DLG2: variants seen among roughly 807,000 people sequenced by gnomAD.
DLG2 encodes the protein disks large homolog 2.
In DLG2, 45 loss-of-function variants were observed where a neutral mutation model predicts 132.5. The ratio of observed to expected loss-of-function variants is 0.34; its 90% CI spans 0.27 to 0.44. DLG2 has a LOEUF of 0.44. DLG2 is among the 20% of genes least tolerant of loss of function. DLG2 has a pLI of 1.00. For synonymous variants in DLG2, 424 were observed against 419.6 expected, an observed-to-expected ratio of 1.01 and a Z score of -0.13; for missense variants, 1,045 against 1,196.9, an observed-to-expected ratio of 0.87 and a Z score of 1.87.
At chr11:83,817,874 T>C (rs901006190) in intron 17 of DLG2, among the ~76,000 whole-genome samples, 1 of 152,118 alleles carries the variant, frequency 6.6e-6, no homozygotes, top group African/African-American at 2.4e-5. Flanking sequence ...TGTCTCTAAT[T>C]AAAAAATAAA....
chr11:85,311,035 T>C (rs1009470886), intron 3 of DLG2, among the ~76,000 whole-genome samples: 1 of 152,232 alleles, frequency 6.6e-6, no homozygotes, highest in Non-Finnish European at 1.5e-5. Flanking sequence ...CCCCACAGTC[T>C]GTTTTCATAT....
intron 9 of DLG2, among the ~76,000 whole-genome samples, chr11:84,159,092 T>C (rs924735946): frequency 6.6e-5 from 10 of 152,152 alleles, no homozygotes; most frequent in Non-Finnish European, 2.9e-5. Flanking sequence ...CCAGGCCATG[T>C]GCGTCTATGT....
At chr11:83,502,752 A>G (rs2094501110) in intron 21 of DLG2, among the ~76,000 whole-genome samples, 1 of 152,108 alleles carries the variant, frequency 6.6e-6, no homozygotes, top group African/African-American at 2.4e-5. Flanking sequence ...AAAACCTATA[A>G]GCTGATTTAC....
chr11:84,962,396 T>A (rs2052705398), intron 6 of DLG2, among the ~76,000 whole-genome samples: 1 of 152,180 alleles, frequency 6.6e-6, no homozygotes, highest in Non-Finnish European at 1.5e-5. Context: ...CCACCTTTTA[T>A]TAGGTGGGTA....
chr11:83,504,236 C>T (rs1474575731), intron 21 of DLG2, among the ~76,000 whole-genome samples: 3 of 152,186 alleles, frequency 2.0e-5, no homozygotes, highest in African/African-American at 2.4e-5. Context: ...TCAGTATTCC[C>T]TTTGCCTTCA....
At chr11:83,503,414 T>TAGAG (rs1362266824) in intron 21 of DLG2, among the ~76,000 whole-genome samples, 2 of 47,994 alleles carry the variant, frequency 4.2e-5, no homozygotes, top group Admixed American at 2.1e-4. Flanking sequence ...TATATATATA[T>TAGAG]ATATATATAG....
At chr11:84,940,641 A>T (rs1191924626) in intron 6 of DLG2, among the ~76,000 whole-genome samples, 14 of 152,286 alleles carry the variant, frequency 9.2e-5, no homozygotes, top group Non-Finnish European at 1.9e-4. Context: ...CCCTTGTCAA[A>T]TGGGTAGTTT....
chr11:84,840,195 T>A (rs1270438136), intron 6 of DLG2, among the ~76,000 whole-genome samples: 1 of 152,146 alleles, frequency 6.6e-6, no homozygotes, highest in Non-Finnish European at 1.5e-5. Flanking sequence ...GAACAGGTGC[T>A]TCTCAAAAGA....
chr11:83,695,266 TG>T (rs1267739744), intron 18 of DLG2, among the ~76,000 whole-genome samples: 1 of 152,158 alleles, frequency 6.6e-6, no homozygotes, highest in African/African-American at 2.4e-5. Context: ...AATACAAACA[TG>T]AATAGCCCAG....
intron 15 of DLG2, among the ~76,000 whole-genome samples, chr11:83,900,878 G>A (rs2073213319): frequency 6.6e-6 from 1 of 152,126 alleles, no homozygotes; most frequent in South Asian, 2.1e-4. Flanking sequence ...CTGGAAAAAT[G>A]GCAGACACTC....
At chr11:84,293,597 C>A (rs1446817303) in intron 7 of DLG2, among the ~76,000 whole-genome samples, 1 of 152,140 alleles carries the variant, frequency 6.6e-6, no homozygotes, top group Non-Finnish European at 1.5e-5. Context: ...TTGCTGGAAC[C>A]TGGGATGCGG....
chr11:83,693,247 C>G (rs2081298127), intron 18 of DLG2, among the ~76,000 whole-genome samples: 1 of 152,102 alleles, frequency 6.6e-6, no homozygotes, highest in Admixed American at 6.6e-5. Flanking sequence ...CATGCTGGGT[C>G]TGGGGGCATG....
intron 8 of DLG2, among the ~76,000 whole-genome samples, chr11:84,237,322 G>T (rs2097171196): frequency 6.6e-6 from 1 of 152,132 alleles, no homozygotes; most frequent in Non-Finnish European, 1.5e-5. Flanking sequence ...TTAGCAATTT[G>T]CTTTAAAAAC....
intron 17 of DLG2, among the ~76,000 whole-genome samples, chr11:83,803,544 T>C (rs2045100863): frequency 6.6e-6 from 1 of 152,166 alleles, no homozygotes; most frequent in East Asian, 1.9e-4. Context: ...CAAGTTCAGT[T>C]GGCTAAGTTC....
intron 18 of DLG2, among the ~76,000 whole-genome samples, chr11:83,756,160 T>C (rs753898807): frequency 2.0e-5 from 3 of 151,272 alleles, no homozygotes; most frequent in Non-Finnish European, 4.4e-5. Context: ...TTTTGAATTA[T>C]ATAATTATTT....
intron 4 of DLG2, among the ~76,000 whole-genome samples, chr11:85,198,260 C>G (rs2081205654): frequency 6.6e-6 from 1 of 152,158 alleles, no homozygotes; most frequent in Non-Finnish European, 1.5e-5. Flanking sequence ...AAAATTATTT[C>G]AGACCTCTGG....
chr11:84,378,509 A>T (rs1282414233), intron 7 of DLG2, among the ~76,000 whole-genome samples: 1 of 152,104 alleles, frequency 6.6e-6, no homozygotes, highest in Non-Finnish European at 1.5e-5. Flanking sequence ...GATGATGAGG[A>T]TATTTATCAA....
chr11:83,699,734 AAATAATAAT>A (rs59518828), intron 18 of DLG2, among the ~76,000 whole-genome samples: 8 of 146,778 alleles, frequency 5.5e-5, no homozygotes, highest in African/African-American at 1.0e-4. Flanking sequence ...AATAATTTAA[AAATAATAAT>A]AATAATAATA....
At chr11:85,478,768 C>T (rs547059263) in intron 3 of DLG2, among the ~76,000 whole-genome samples, 1 of 152,284 alleles carries the variant, frequency 6.6e-6, no homozygotes, top group Non-Finnish European at 1.5e-5. Context: ...CTGTAGCATT[C>T]TATATATTGC....
Sources: allele counts gnomAD v4.1 joint callset (sites outside exome capture counted in the v4.1 genomes callset), GRCh38; gene constraint gnomAD v4.1.1; transcripts MANE v1.5; gene names NCBI Gene and HGNC (gene_info 2026-07-23, HGNC 2026-07-21).